Variants in ENO4 observed in about 807,000 individuals in gnomAD.
ENO4 encodes the protein enolase 4.
In ENO4, 53 loss-of-function variants were observed where a neutral mutation model predicts 63.2. The observed-to-expected ratio is 0.84, with a 90% CI of 0.67 to 1.05. The LOEUF is 1.05. Among genes scored for constraint, ENO4 ranks in the 50% least tolerant of loss-of-function variants. The pLI, the probability that ENO4 is intolerant of heterozygous loss-of-function variation, is 0.00. For missense variants in ENO4, 719 were observed against 772.0 expected (o/e 0.93, Z 0.81); for synonymous variants, 266 against 283.8 (o/e 0.94, Z 0.63).
rs947516592 is a variant in ENO4, at chr10:116,868,840, T to C, written c.1047+134T>C. 2.6e-6 allele frequency: 2 copies of C among 777,614 alleles called. 1 individual carries two copies. The allele number at this position is 777,614 out of a possible 1,614,324, so 48.2% of individuals were successfully genotyped here. ...AATGGAAACCATATAGTGATATTGC[T>C]CCAGACACCCCCAGAGCTGCAGTAT... On this transcript the variant is annotated intron_variant, in intron 8 of 13. Transcript: ENST00000341276.
chr10:116,890,580 A>C (rs1847309915), intron 10 of ENO4, among the ~76,000 whole-genome samples: 1 of 152,252 alleles, frequency 6.6e-6, no homozygotes, highest in African/African-American at 2.4e-5. Context: ...CTCAAAGGCT[A>C]TTTCAAGACA....
Position 116,860,932 on chromosome 10 carries a change from A to G in ENO4, c.773A>G (p.Tyr258Cys). The change falls in exon 5 of 14, where the codon TAC becomes TGC. Residue 258 changes from tyrosine to cysteine, a missense_variant. Physicochemically the swap from Tyr to Cys is radical, Grantham distance 194. Coordinates refer to ENST00000341276, the MANE Select transcript of ENO4 (RefSeq NM_001242699.2). Reference sequence around the variant, plus strand: ...GCCATGCTGCTTAATAAACCTCTGTACTTAAATATCGCTCTACTGAAGCAC... The same window carrying G: ...GCCATGCTGCTTAATAAACCTCTGTGCTTAAATATCGCTCTACTGAAGCAC... ...ACAMLLNKPLYLNIALLKHNQ... is the reference protein window; with the variant it reads ...ACAMLLNKPLCLNIALLKHNQ... The G allele has an allele frequency of 6.5e-7, 1 of 1,546,686 alleles. No individual in the cohort carries two copies. The highest frequency in any genetic ancestry group is 8.7e-7 in the Non-Finnish European group (1 of 1,144,176).
At position 116,879,366 on chromosome 10, in the gene ENO4, C is replaced by G. The variant is rs535055355; in HGVS notation, c.1605+8C>G. The G allele has an allele frequency of 1.5e-5, 23 of 1,544,684 alleles. No individual in the cohort carries two copies. In the South Asian group the frequency reaches 2.3e-4, roughly 15 times the overall value. ...GACAGCCTTGTCGATTTGGTAAGTG[C>G]TGAATGCTGGTCAACTGCCAAACAC... On this transcript the variant is annotated splice_region_variant and intron_variant, in intron 12 of 13. Coordinates refer to ENST00000341276, the MANE Select transcript of ENO4 (RefSeq NM_001242699.2).
chr10:116,892,864 A>C (rs1380718457), intron 10 of ENO4, among the ~76,000 whole-genome samples: 1 of 152,212 alleles, frequency 6.6e-6, no homozygotes, highest in African/African-American at 2.4e-5. Flanking sequence ...AGGAAACATA[A>C]ACACTGTGTA....
chr10:116,899,557 A>ATGTGTGTGTG (rs1847655653), intron 10 of ENO4, among the ~76,000 whole-genome samples: 1 of 138,946 alleles, frequency 7.2e-6, no homozygotes, highest in African/African-American at 3.2e-5. Flanking sequence ...GAGAGAGTGC[A>ATGTGTGTGTG]TGCATACATA....
intron 1 of ENO4, among the ~76,000 whole-genome samples, chr10:116,855,118 C>A (rs1464053771): frequency 6.6e-6 from 1 of 151,804 alleles, no homozygotes; most frequent in African/African-American, 2.4e-5. Context: ...CATGGTGAAA[C>A]CCCATCTCTA....
At chr10:116,855,339 AC>A (rs1352718707) in intron 1 of ENO4, among the ~76,000 whole-genome samples, 1 of 151,986 alleles carries the variant, frequency 6.6e-6, no homozygotes, top group African/African-American at 2.4e-5. Context: ...TAATTAAGAA[AC>A]GTATGCAAGT....
In ENO4 at chr10:116,876,050, T is replaced by G; in HGVS notation, c.1342-15T>G. On this transcript the variant is annotated splice_polypyrimidine_tract_variant and intron_variant, in intron 10 of 13. Coordinates refer to ENST00000341276, the MANE Select transcript of ENO4 (RefSeq NM_001242699.2). ...TCAATGCATTATAATGATCAACTCT[T>G]AAATATTTACCCAGGACTCTGAACA... 6.6e-7 allele frequency: 1 copy of G among 1,507,188 alleles called. No individual in the cohort carries two copies. Among genetic ancestry groups the G allele is most frequent in the Non-Finnish European group, 8.9e-7 (1 of 1,127,960 alleles). The allele number at this position is 1,507,188 out of a possible 1,614,324, so 93.4% of individuals were successfully genotyped here. A position where few individuals can be genotyped will look rare whatever the true frequency, so the allele number is the denominator to read the frequency against.
In ENO4 at chr10:116,860,983, C is replaced by A; in HGVS notation, c.804+20C>A. 6.5e-7 allele frequency: 1 copy of A among 1,531,914 alleles called. No homozygotes were observed. Among genetic ancestry groups the A allele is most frequent in the Non-Finnish European group, 8.8e-7 (1 of 1,134,364 alleles). The allele number at this position is 1,531,914 out of a possible 1,614,324, so 94.9% of individuals were successfully genotyped here. A position where few individuals can be genotyped will look rare whatever the true frequency, so the allele number is the denominator to read the frequency against. ...AATCAGGTTAGTATCTATGAAGTTC[C>A]ATTAAAAGGAGCCATGAGTATCTCA... On this transcript the variant is annotated intron_variant, in intron 5 of 13. Coordinates refer to ENST00000341276, the MANE Select transcript of ENO4 (RefSeq NM_001242699.2).
chr10:116,857,414 C>A (rs949432130), intron 3 of ENO4, among the ~76,000 whole-genome samples: 3 of 152,154 alleles, frequency 2.0e-5, no homozygotes, highest in African/African-American at 7.2e-5. Context: ...CATAGGTTGA[C>A]TCAAACACGC....
Position 116,856,499 on chromosome 10 carries a change from G to A in ENO4, c.302G>A (p.Cys101Tyr), listed in dbSNP as rs955844641. 1.3e-6 allele frequency: 2 copies of A among 1,535,834 alleles called. No homozygotes were observed. Among genetic ancestry groups the A allele is most frequent in the Non-Finnish European group, 8.7e-7 (1 of 1,146,806 alleles). The change falls in exon 3 of 14, where the codon TGT becomes TAT. Residue 101 changes from cysteine to tyrosine, a missense_variant. Coordinates refer to ENST00000341276, the MANE Select transcript of ENO4 (RefSeq NM_001242699.2). ...CTIQNFPKNV[C>Y]SVVISTHFEV... ...CATTTATATGATTTTCAGAACGTAT[G>A]TTCTGTGGTGATCTCGACTCATTTT...
At chr10:116,878,740 A>G (rs1467985478) in intron 11 of ENO4, among the ~76,000 whole-genome samples, 1 of 63,546 alleles carries the variant, frequency 1.6e-5, no homozygotes, top group Admixed American at 2.7e-4. Flanking sequence ...CAAATCATAT[A>G]TCTTTTTTTT....
chr10:116,870,040 T>C (rs1846647329), intron 8 of ENO4, among the ~76,000 whole-genome samples: 1 of 152,210 alleles, frequency 6.6e-6, no homozygotes, highest in Admixed American at 6.5e-5. Flanking sequence ...CAAAACTCAG[T>C]TGATGGACAA....
At chr10:116,879,182 T>C (rs1846926486) in intron 11 of ENO4, 109 bp from the exon 12 acceptor site, 2 of 699,204 alleles carry the variant, frequency 2.9e-6, no homozygotes, top group South Asian at 4.3e-5. Flanking sequence ...AATAATTGAC[T>C]CTTCACAGGG....
intron 8 of ENO4, among the ~76,000 whole-genome samples, chr10:116,870,477 C>CA (rs1212377007): frequency 2.6e-5 from 4 of 151,864 alleles, no homozygotes; most frequent in South Asian, 2.1e-4. Context: ...CCTGTCTCTA[C>CA]AAAAAATAAA....
downstream of ENO4, chr10:116,883,340 A>G (rs1847077062): frequency 1.3e-5 from 2 of 152,316 alleles, no homozygotes; most frequent in South Asian, 4.1e-4. Context: ...GAAATGAAAG[A>G]AACAGTCACA....
chr10:116,886,253 C>A, downstream of ENO4: 1 of 1,510,134 alleles, frequency 6.6e-7, no homozygotes, highest in Non-Finnish European at 9.0e-7. Context: ...GTGACCAGAG[C>A]AGAATGTCTA....
intron 10 of ENO4, chr10:116,906,715 G>A (rs1445037241): frequency 6.2e-7 from 1 of 1,612,830 alleles, no homozygotes; most frequent in African/African-American, 1.3e-5. Flanking sequence ...GGGATTTTAA[G>A]CTTCTTGAAC....
chr10:116,878,280 C>A (rs944388924), intron 11 of ENO4, among the ~76,000 whole-genome samples: 10 of 152,202 alleles, frequency 6.6e-5, no homozygotes, highest in African/African-American at 2.4e-4. Flanking sequence ...CAGAGCCAGA[C>A]TGGCAGCCAG....
Sources: gnomAD v4.1 joint callset for allele counts (sites outside exome capture counted in the v4.1 genomes callset) on GRCh38, gnomAD v4.1.1 for gene constraint, MANE v1.5 for transcripts, NCBI Gene and HGNC (gene_info 2026-07-23, HGNC 2026-07-21) for gene names.